TBC1D21: variants seen among roughly 807,000 people sequenced by gnomAD.
The protein encoded by TBC1D21 is TBC1 domain family member 21, also known as male germ cell Rab GTPase-activating protein.
TBC1D21 carries 38 observed loss-of-function variants against 46.0 expected under a neutral mutation model. That is an observed-to-expected ratio of 0.83 (90% CI 0.64 to 1.08). The LOEUF (loss-of-function observed/expected upper bound fraction) is 1.08. Ranked by LOEUF, TBC1D21 falls within the 50% of genes least tolerant of loss-of-function variation. The pLI is 0.00. For missense variants in TBC1D21, 415 were observed against 417.9 expected, an observed-to-expected ratio of 0.99 and a Z score of 0.06; for synonymous variants, 151 against 157.2, an observed-to-expected ratio of 0.96 and a Z score of 0.29.
the TBC1D21 span, among the ~76,000 whole-genome samples, chr15:73,897,297 A>C: frequency 6.6e-6 from 1 of 152,198 alleles, no homozygotes; most frequent in Non-Finnish European, 1.5e-5. Context: ...TCTCACCTAG[A>C]AATTAGAAAT....
intron 1 of TBC1D21, among the ~76,000 whole-genome samples, chr15:73,875,259 AAAG>A (rs796351916): frequency 1.2e-4 from 18 of 146,874 alleles, no homozygotes; most frequent in Admixed American, 2.7e-4. Context: ...AAAAAAAAAA[AAAG>A]AAGAAGAAGA....
Position 73,885,115 on chromosome 15 carries a change from G to T in TBC1D21, c.579+12G>T, listed in dbSNP as rs1257361856. ...TCCTGCAGAAAACGGTGAGGGCAAGGCCTGAGCTCAGGGACGCCCCTCCCC... is the reference window on the plus strand; with the variant it reads ...TCCTGCAGAAAACGGTGAGGGCAAGTCCTGAGCTCAGGGACGCCCCTCCCC... On this transcript the variant is annotated intron_variant, in intron 6 of 10. Transcript: ENST00000300504. 3.1e-6 allele frequency: 5 copies of T among 1,609,658 alleles called. No individual in the cohort carries two copies. The highest frequency in any genetic ancestry group is 2.2e-5 in the East Asian group (1 of 44,870).
At chr15:73,885,151 T>A in intron 6 of TBC1D21, 48 bp downstream of exon 6, 1 of 1,516,782 alleles carries the variant, frequency 6.6e-7, no homozygotes, top group Non-Finnish European at 9.1e-7. Flanking sequence ...AACCCCCCAC[T>A]ACTCCCCAAA....
the TBC1D21 span, among the ~76,000 whole-genome samples, chr15:73,905,747 C>G: frequency 1.3e-5 from 2 of 152,300 alleles, no homozygotes; most frequent in Admixed American, 1.3e-4. Flanking sequence ...AAACCCTGAG[C>G]AGATTTGTGG....
intron 7 of TBC1D21, 124 bp from the exon 8 acceptor site, chr15:73,886,388 G>C (rs2068246817): frequency 4.2e-6 from 4 of 962,596 alleles, no homozygotes; most frequent in Middle Eastern, 2.7e-4. Context: ...AGCTGGAAAA[G>C]GGGCGGCAGG....
At chr15:73,875,485 A>G (rs986529873) in intron 1 of TBC1D21, among the ~76,000 whole-genome samples, 10 of 152,150 alleles carry the variant, frequency 6.6e-5, no homozygotes, top group African/African-American at 2.4e-4. Flanking sequence ...TACTGAAAAT[A>G]TGGGAGAAAA....
downstream of TBC1D21, among the ~76,000 whole-genome samples, chr15:73,890,082 G>T (rs2068324106): frequency 6.6e-6 from 1 of 152,180 alleles, no homozygotes; most frequent in African/African-American, 2.4e-5. Flanking sequence ...TTTCAGGAGG[G>T]CTGACATTAC....
intron 7 of TBC1D21, 51 bp downstream of exon 7, chr15:73,886,225 G>C (rs1239477768): frequency 1.3e-6 from 2 of 1,532,568 alleles, no homozygotes; most frequent in Non-Finnish European, 9.0e-7. Flanking sequence ...GGCATGGGAA[G>C]GGGGCTGGGA....
At chr15:73,888,933 C>G (rs139022661) in intron 10 of TBC1D21, 136 bp from the exon 11 acceptor site, 10,394 of 1,023,458 alleles carry the variant, frequency 0.01, 78 homozygotes, top group Non-Finnish European at 0.012. Flanking sequence ...GAGCAGGGCC[C>G]TCATCCCCCA....
At chr15:73,883,902 GA>G (rs2068197284) in intron 3 of TBC1D21, among the ~76,000 whole-genome samples, 1 of 152,212 alleles carries the variant, frequency 6.6e-6, no homozygotes, top group African/African-American at 2.4e-5. Context: ...GTAGAGCCAG[GA>G]TTCAGGTGCA....
intron 1 of TBC1D21, among the ~76,000 whole-genome samples, chr15:73,881,136 C>A (rs1291885430): frequency 6.6e-6 from 1 of 152,154 alleles, no homozygotes; most frequent in Non-Finnish European, 1.5e-5. Flanking sequence ...AGCACATAAA[C>A]CACAGTTTAC....
chr15:73,887,047 C>G (rs1267990902), intron 8 of TBC1D21, among the ~76,000 whole-genome samples: 2 of 152,154 alleles, frequency 1.3e-5, no homozygotes, highest in Non-Finnish European at 2.9e-5. Context: ...AGTCCTGTGA[C>G]CACAATCCTC....
At chr15:73,876,225 T>TTTTTTTTTTGTTTG (rs2068063220) in intron 1 of TBC1D21, among the ~76,000 whole-genome samples, 2 of 59,006 alleles carry the variant, frequency 3.4e-5, no homozygotes, top group Non-Finnish European at 6.2e-5. Context: ...TTTTTTTTTT[T>TTTTTTTTTTGTTTG]TTTTTTTTTT....
downstream of TBC1D21, among the ~76,000 whole-genome samples, chr15:73,891,793 G>C (rs1318831387): frequency 6.6e-6 from 1 of 152,212 alleles, no homozygotes; most frequent in African/African-American, 2.4e-5. Flanking sequence ...GCCCCCCTCT[G>C]GACTTTGGGC....
At chr15:73,906,133 T>C in the TBC1D21 span, among the ~76,000 whole-genome samples, 1 of 152,176 alleles carries the variant, frequency 6.6e-6, no homozygotes, top group African/African-American at 2.4e-5. Flanking sequence ...AGAAAGTTTG[T>C]TGTGCTACTT....
In TBC1D21 at chr15:73,886,608, G is replaced by C. The variant is rs758169306; in HGVS notation, c.773G>C (p.Trp258Ser). Residue 258 changes from tryptophan (W) to serine (S), a missense_variant, in exon 8 of 11, where the codon TGG (tryptophan) becomes TCG (serine). Transcript: ENST00000300504. The stretch of plus-strand genomic sequence containing the variant: ...TCCTTCGATGATGTCTGGAGGCTCT[G>C]GGAGGTGAGGTGTCCAGCTAGGGAT... ...FKSFDDVWRL[W>S]EVLLTGKPCR... is the part of the protein sequence containing the mutation. 6 of 1,613,236 alleles carry C rather than the reference G, an allele frequency of 3.7e-6. No individual in the cohort carries two copies. The highest frequency in any genetic ancestry group is 3.3e-5 in the Admixed American group (2 of 60,008).
chr15:73,875,091 T>C (rs2068035213), intron 1 of TBC1D21, among the ~76,000 whole-genome samples: 1 of 151,424 alleles, frequency 6.6e-6, no homozygotes, highest in Non-Finnish European at 1.5e-5. Context: ...TACTAAAAAA[T>C]ACAAAAAATT....
Position 73,889,193 on chromosome 15 carries a change from TATAAACAGTCCTC to T in TBC1D21, c.*93_*105del. 7.3e-7 allele frequency: 1 copy of T among 1,377,648 alleles called. No individual in the cohort carries two copies. The highest frequency in any genetic ancestry group is 1.0e-6 in the Non-Finnish European group (1 of 983,470). 85.3% of individuals were successfully genotyped at this position (1,377,648 alleles called of 1,614,324 possible). A position where few individuals can be genotyped will look rare whatever the true frequency, so the allele number is the denominator to read the frequency against. On this transcript the variant is annotated 3_prime_UTR_variant, in exon 11 of 11. Transcript: ENST00000300504. ...GAGGGAGTAGATAAAACAGCTGCAA[TATAAACAGTCCTC>T]TGGAATAATGGTTTGTGGTGGATGC...
chr15:73,901,720 C>T, the TBC1D21 span, among the ~76,000 whole-genome samples: 1 of 152,298 alleles, frequency 6.6e-6, no homozygotes, highest in African/African-American at 2.4e-5. Flanking sequence ...TCTCATGTTA[C>T]TCCAACCTTG....
Sources: gnomAD v4.1 joint callset for allele counts (sites outside exome capture counted in the v4.1 genomes callset) on GRCh38, gnomAD v4.1.1 for gene constraint, MANE v1.5 for transcripts, NCBI Gene and HGNC (gene_info 2026-07-23, HGNC 2026-07-21) for gene names.